Variants in ZNF57 observed in about 807,000 individuals in gnomAD.
The protein encoded by ZNF57 is zinc finger protein 424.
A neutral mutation model predicts 13.4 loss-of-function variants in ZNF57; 11 were observed. The ratio of observed to expected loss-of-function variants is 0.82; its 90% CI spans 0.52 to 1.36. ZNF57 has a LOEUF of 1.36. Among genes scored for constraint, ZNF57 ranks in the 40% most tolerant of loss-of-function variants. The pLI is 0.00. For synonymous variants in ZNF57, 224 were observed against 238.5 expected, an observed-to-expected ratio of 0.94 and a Z score of 0.56; for missense variants, 696 against 667.5, an observed-to-expected ratio of 1.04 and a Z score of -0.47.
At chr19:2,916,681 A>G (rs1320381555) in intron 3 of ZNF57, 1 of 314,688 alleles carries the variant, frequency 3.2e-6, no homozygotes, top group Admixed American at 4.6e-5. Context: ...GCGCCACTGC[A>G]CTCCAGCCTG....
At chr19:2,915,670 C>A in intron 2 of ZNF57, 22 bp downstream of exon 2, 1 of 1,613,462 alleles carries the variant, frequency 6.2e-7, no homozygotes, top group Non-Finnish European at 8.5e-7. Context: ...ATCATTCCTT[C>A]CCTTGGTTTT....
chr19:2,904,998 C>T (rs1034872953), intron 1 of ZNF57, among the ~76,000 whole-genome samples: 1 of 152,142 alleles, frequency 6.6e-6, no homozygotes, highest in African/African-American at 2.4e-5. Context: ...GTGGATGTTC[C>T]TTATTCTCCC....
intron 1 of ZNF57, among the ~76,000 whole-genome samples, chr19:2,908,563 G>T (rs1158388623): frequency 6.7e-6 from 1 of 149,592 alleles, no homozygotes; most frequent in Non-Finnish European, 1.5e-5. Context: ...GGGACTACAG[G>T]CACCCGTCAC....
At position 2,917,123 on chromosome 19, in the gene ZNF57, C is replaced by G. The variant is rs2088208844; in HGVS notation, c.502C>G (p.Pro168Ala). 1 of 1,613,908 alleles carries G rather than the reference C, an allele frequency of 6.2e-7. No homozygotes were observed. The highest frequency in any genetic ancestry group is 1.3e-5 in the African/African-American group (1 of 74,924). Residue 168 changes from proline to alanine, a missense_variant, in exon 4 of 4, where the codon CCT becomes GCT. Pro to Ala is a conservative substitution (Grantham distance 27, BLOSUM62 -1). Around this residue, in one of 3 missense-constraint regions of ZNF57, gnomAD observed 645 missense variants for 591.5 expected, o/e 1.09. Transcript: ENST00000306908. ...CAAGTCTCACTGTGGACGAAAAGCA[C>G]CTCCAGGTGAGGAATGTAAGCAGGC... ...HVKSHCGRKAPPGEECKQACI... is the reference protein window; with the variant it reads ...HVKSHCGRKAAPGEECKQACI...
chr19:2,903,152 C>T (rs766466547), intron 1 of ZNF57, among the ~76,000 whole-genome samples: 2 of 152,174 alleles, frequency 1.3e-5, no homozygotes, highest in Non-Finnish European at 2.9e-5. Flanking sequence ...GCGTTTTAGC[C>T]TTTCTGAGGT....
intron 1 of ZNF57, among the ~76,000 whole-genome samples, chr19:2,903,718 A>ATT (rs55961334): frequency 1.3e-4 from 19 of 146,290 alleles, no homozygotes; most frequent in Non-Finnish European, 1.9e-4. Context: ...CCTCCTTTGA[A>ATT]TTTTTTTTTT....
intron 1 of ZNF57, among the ~76,000 whole-genome samples, chr19:2,906,689 G>A (rs1230092027): frequency 1.3e-5 from 2 of 152,138 alleles, no homozygotes; most frequent in Non-Finnish European, 2.9e-5. Context: ...GTCACTGTCT[G>A]CTGTGTGTGG....
intron 1 of ZNF57, among the ~76,000 whole-genome samples, chr19:2,913,602 C>T (rs1208236139): frequency 6.6e-6 from 1 of 151,692 alleles, no homozygotes; most frequent in Non-Finnish European, 1.5e-5. Context: ...GCCAAATTTT[C>T]TGTATTAGTT....
At chr19:2,901,072 C>T (rs2088024645) in intron 1 of ZNF57, 24 bp downstream of exon 1, 3 of 1,551,442 alleles carry the variant, frequency 1.9e-6, no homozygotes, top group African/African-American at 2.7e-5. Flanking sequence ...AGGAGCAGAG[C>T]CAGGGGACGG....
intron 1 of ZNF57, chr19:2,915,124 G>C (rs2088178209): frequency 6.0e-6 from 1 of 167,132 alleles, no homozygotes; most frequent in African/African-American, 2.4e-5. Flanking sequence ...CCCCTCACCA[G>C]GCAGGGGATT....
At chr19:2,901,081 G>T (rs2088024739) in intron 1 of ZNF57, 33 bp downstream of exon 1, 1 of 1,543,040 alleles carries the variant, frequency 6.5e-7, no homozygotes. Context: ...GCCAGGGGAC[G>T]GTCGGAGCGA....
Position 2,916,164 on chromosome 19 carries a change from A to G in ZNF57, c.217A>G (p.Asn73Asp), listed in dbSNP as rs768329232. ...QEKSKEQTIP[N>D]FTGNNSCAYT... ...AAAATCTAAGGAACAGACAATACCA[A>G]ACTTCACAGGAAATAATTCCTGTGC... Residue 73 changes from asparagine to aspartate, a missense_variant, in exon 3 of 4, where the codon AAC becomes GAC. This residue lies in a region of ZNF57 where 645 missense variants were observed against 591.5 expected (regional missense o/e 1.09). Coordinates refer to ENST00000306908, the MANE Select transcript of ZNF57 (RefSeq NM_173480.3). 7.4e-6 allele frequency: 12 copies of G among 1,614,058 alleles called. No individual in the cohort carries two copies. The highest frequency in any genetic ancestry group is 1.7e-5 in the Admixed American group (1 of 60,002).
At chr19:2,908,336 G>T (rs2144923578) in intron 1 of ZNF57, among the ~76,000 whole-genome samples, 2 of 151,456 alleles carry the variant, frequency 1.3e-5, no homozygotes, top group Middle Eastern at 3.4e-3. Context: ...TTCATTTTGT[G>T]TATCATGTTT....
At position 2,917,298 on chromosome 19, in the gene ZNF57, G is replaced by C; in HGVS notation, c.677G>C (p.Cys226Ser). 6.2e-7 allele frequency: 1 copy of C among 1,614,074 alleles called. No individual in the cohort carries two copies. Among genetic ancestry groups the C allele is most frequent in the East Asian group, 2.2e-5 (1 of 44,884 alleles). The change falls in exon 4 of 4, where the codon TGC (cysteine) becomes TCC (serine). Residue 226 changes from cysteine to serine, a missense_variant. Cys to Ser is a moderately radical substitution (Grantham distance 112, BLOSUM62 -1). Around this residue, in one of 3 missense-constraint regions of ZNF57, gnomAD observed 645 missense variants for 591.5 expected, o/e 1.09. Coordinates refer to ENST00000306908, the MANE Select transcript of ZNF57 (RefSeq NM_173480.3). The part of the protein sequence containing the change: ...KTHTAEKTYK[C>S]EQCRMAFNGF... ...CACACAGCAGAGAAAACCTACAAATGCGAGCAGTGTCGGATGGCGTTTAAT... is the reference window on the plus strand; with the variant it reads ...CACACAGCAGAGAAAACCTACAAATCCGAGCAGTGTCGGATGGCGTTTAAT...
In ZNF57 at chr19:2,916,435, G is replaced by A. The variant is rs117613802; in HGVS notation, c.302+186G>A. On this transcript the variant is annotated intron_variant, in intron 3 of 3. Transcript: ENST00000306908. Reference sequence around the variant, plus strand: ...TTGTTAGAAGTAATTACAGGGGGCCGGGCGCGATGGCTCACGCCTGTAATC... The same window carrying A: ...TTGTTAGAAGTAATTACAGGGGGCCAGGCGCGATGGCTCACGCCTGTAATC... The A allele has an allele frequency of 3.0e-3, 1,644 of 549,880 alleles. 7 individuals carry two copies. Among genetic ancestry groups the A allele is most frequent in the Non-Finnish European group, 4.1e-3 (1,370 of 332,018 alleles). The allele number at this position is 549,880 out of a possible 1,614,324, so 34.1% of individuals were successfully genotyped here. A position where few individuals can be genotyped will look rare whatever the true frequency, so the allele number is the denominator to read the frequency against.
At position 2,918,466 on chromosome 19, in the gene ZNF57, T is replaced by A; in HGVS notation, c.*177T>A. 1.5e-6 allele frequency: 1 copy of A among 677,650 alleles called. No individual in the cohort carries two copies. The highest frequency in any genetic ancestry group is 2.4e-6 in the Non-Finnish European group (1 of 422,376). 42.0% of individuals were successfully genotyped at this position (677,650 alleles called of 1,614,324 possible). On this transcript the variant is annotated 3_prime_UTR_variant, in exon 4 of 4. Transcript: ENST00000306908. ...GCTCTTTCAAAAATAAATGTTTATG[T>A]GAGAAAATAATTCTCTAAGTCCTCT... is the stretch of plus-strand genomic sequence containing the variant.
At chr19:2,901,129 G>T (rs1285277236) in intron 1 of ZNF57, 81 bp downstream of exon 1, 9 of 1,473,164 alleles carry the variant, frequency 6.1e-6, no homozygotes, top group African/African-American at 1.4e-5. Context: ...CGAAGTCTGC[G>T]GCCGGGATTG....
intron 1 of ZNF57, among the ~76,000 whole-genome samples, 185 bp downstream of exon 1, chr19:2,901,233 G>A (rs1403664440): frequency 6.8e-6 from 1 of 147,826 alleles, no homozygotes; most frequent in African/African-American, 2.5e-5. Context: ...CAGTTTGGGG[G>A]GACGGAAGGG....
intron 1 of ZNF57, among the ~76,000 whole-genome samples, chr19:2,909,343 C>T (rs1460475470): frequency 2.5e-4 from 18 of 73,100 alleles, no homozygotes; most frequent in African/African-American, 6.6e-4. Flanking sequence ...TGCAGTGGCG[C>T]GATCTCGGCT....
Sources: allele counts gnomAD v4.1 joint callset (sites outside exome capture counted in the v4.1 genomes callset), GRCh38; gene constraint gnomAD v4.1.1; regional missense constraint gnomAD v4.1.1; transcripts MANE v1.5; gene names NCBI Gene and HGNC (gene_info 2026-07-23, HGNC 2026-07-21).